The following SLCO3A1 variants were observed in gnomAD, a reference collection of about 807,000 sequenced individuals.
The protein encoded by SLCO3A1 is solute carrier organic anion transporter family member 3A1, also known as PGE1 transporter.
A neutral mutation model predicts 63.1 loss-of-function variants in SLCO3A1; 27 were observed. The ratio of observed to expected loss-of-function variants is 0.43; its 90% CI spans 0.32 to 0.59. SLCO3A1 has a LOEUF of 0.59. Among genes scored for constraint, SLCO3A1 ranks in the 20% least tolerant of loss-of-function variants. The pLI is 0.09. For missense variants in SLCO3A1, 773 were observed against 945.8 expected (o/e 0.82, Z 2.40); for synonymous variants, 473 against 409.9 (o/e 1.15, Z -1.86).
rs549124416 is a variant in SLCO3A1, at chr15:92,154,133, C to T, written c.1753+3119C>T. 3.3e-5 allele frequency among the ~76,000 whole-genome samples: 5 copies of T among 152,190 alleles called. No homozygotes were observed. The East Asian group carries it at 7.7e-4, about 24-fold the overall frequency. ...TGTAATGAAGTGAATGACAGAGGCT[C>T]GTGCCGAGATGGTGCTCGCAGGATG... On this transcript the variant is annotated intron_variant, in intron 9 of 9. Coordinates refer to ENST00000318445, the MANE Select transcript of SLCO3A1 (RefSeq NM_013272.4).
intron 4 of SLCO3A1, among the ~76,000 whole-genome samples, chr15:92,116,102 C>T (rs1234899053): frequency 6.6e-6 from 1 of 152,158 alleles, no homozygotes; most frequent in Non-Finnish European, 1.5e-5. Context: ...CATGGGACCT[C>T]TCTCTGCCTC....
At chr15:92,125,880 T>G (rs1162858473) in intron 5 of SLCO3A1, among the ~76,000 whole-genome samples, 181 bp from the exon 6 acceptor site, 1 of 151,744 alleles carries the variant, frequency 6.6e-6, no homozygotes, top group Admixed American at 6.6e-5. Flanking sequence ...CAGTTCTCCA[T>G]GAGCTCCCTG....
rs753784532 is a variant in SLCO3A1 at position 91,916,052 on chromosome 15, G to C, written c.240G>C (p.Val80=). The change falls in exon 2 of 10, where the codon GTG becomes GTC. Residue 80 remains valine (V), a synonymous_variant. Coordinates refer to ENST00000318445, the MANE Select transcript of SLCO3A1 (RefSeq NM_013272.4). This position sits in a 1 kb window ranked among gnomAD's most constrained non-coding sequence, Gnocchi z 6.2. ...RFNLQSADVG[V]IASSFEIGNL... is the part of the protein sequence containing the mutation. ...ACCTGCAGAGCGCTGACGTGGGTGT[G>C]ATCGCTAGCAGCTTCGAGATCGGGA... is the stretch of plus-strand genomic sequence containing the variant. The C allele has an allele frequency of 1.2e-6, 2 of 1,613,418 alleles. No homozygotes were observed. The highest frequency in any genetic ancestry group is 2.2e-5 in the South Asian group (2 of 91,062).
rs1900617265 is a variant in SLCO3A1 at position 91,965,308 on chromosome 15, T to A, written c.646+48850T>A. Among the ~76,000 whole-genome samples the A allele has an allele frequency of 3.3e-5, 5 of 152,242 alleles. No individual in the cohort carries two copies. The Middle Eastern group carries it at 0.01, about 311-fold the overall frequency. Reference sequence around the variant, plus strand: ...CAGGGATCCCCAAAGGAAACATTTATCCCCCTGGATGTTTGGATGTCCCGT... The same window carrying A: ...CAGGGATCCCCAAAGGAAACATTTAACCCCCTGGATGTTTGGATGTCCCGT... On this transcript the variant is annotated intron_variant, in intron 2 of 9. Transcript: ENST00000318445.
chr15:92,039,294 T>G (rs2046766828), intron 2 of SLCO3A1, among the ~76,000 whole-genome samples: 1 of 152,094 alleles, frequency 6.6e-6, no homozygotes. Flanking sequence ...ACAGGGAGAC[T>G]ATAGAATGGA....
At chr15:91,940,291 A>G (rs1001953937) in intron 2 of SLCO3A1, among the ~76,000 whole-genome samples, 3 of 152,102 alleles carry the variant, frequency 2.0e-5, no homozygotes, top group Admixed American at 6.5e-5. Flanking sequence ...ATACACGTGC[A>G]ATCCAATAGA....
intron 2 of SLCO3A1, among the ~76,000 whole-genome samples, chr15:92,007,074 A>G (rs368103480): frequency 1.3e-5 from 2 of 152,360 alleles, no homozygotes; most frequent in East Asian, 3.9e-4. Flanking sequence ...TTATAAACGA[A>G]CTAAGCAACA....
intron 2 of SLCO3A1, among the ~76,000 whole-genome samples, chr15:91,996,524 A>G (rs1210015438): frequency 6.6e-6 from 1 of 152,160 alleles, no homozygotes; most frequent in Non-Finnish European, 1.5e-5. Context: ...GGCAAAGTAG[A>G]TGACCAAGAA....
At position 91,863,933 on chromosome 15, in the gene SLCO3A1, C is replaced by T. The variant is rs908699949; in HGVS notation, c.180+9845C>T. 3.3e-5 allele frequency among the ~76,000 whole-genome samples: 5 copies of T among 152,204 alleles called. No individual in the cohort carries two copies. Among genetic ancestry groups the T allele is most frequent in the Non-Finnish European group, 7.3e-5 (5 of 68,038 alleles). ...TGGAAACAAAAACCATAAATTAGCA[C>T]CATTCCTTTACCTTTGCCAAGCTGT... On this transcript the variant is annotated intron_variant, in intron 1 of 9. Transcript: ENST00000318445. This position sits in a 1 kb window ranked among gnomAD's most constrained non-coding sequence, Gnocchi z 4.3.
chr15:92,150,588 TC>T lies in SLCO3A1; in HGVS notation c.1689-355del, dbSNP rs987074435. ...GGAATTATTTTCTCGGTTGATGTTT[TC>T]CCCCCCATACGTGTACCCCACCCAC... On this transcript the variant is annotated intron_variant, in intron 8 of 9. Transcript: ENST00000318445. Among the ~76,000 whole-genome samples, 7 of 151,940 alleles carry T rather than the reference TC, an allele frequency of 4.6e-5. No homozygotes were observed. The East Asian group carries it at 5.8e-4, about 13-fold the overall frequency.
At chr15:91,876,059 C>A (rs970603461) in intron 1 of SLCO3A1, among the ~76,000 whole-genome samples, 5 of 152,214 alleles carry the variant, frequency 3.3e-5, no homozygotes, top group Non-Finnish European at 2.9e-5. Flanking sequence ...AATCCCAGAA[C>A]CTTGGGAGGA....
intron 2 of SLCO3A1, among the ~76,000 whole-genome samples, chr15:91,959,176 A>G (rs1567038847): frequency 6.6e-6 from 1 of 152,138 alleles, no homozygotes; most frequent in East Asian, 1.9e-4. Context: ...GGAGTGGAAA[A>G]CCAAATACCA....
intron 2 of SLCO3A1, among the ~76,000 whole-genome samples, chr15:91,953,688 T>G (rs1740787256): frequency 6.6e-6 from 1 of 152,096 alleles, no homozygotes; most frequent in Non-Finnish European, 1.5e-5. Flanking sequence ...CACCTCTGTT[T>G]ACCTCTGCTT....
intron 7 of SLCO3A1, among the ~76,000 whole-genome samples, chr15:92,131,275 C>T (rs1041074250): frequency 6.6e-6 from 1 of 152,130 alleles, no homozygotes; most frequent in African/African-American, 2.4e-5. Flanking sequence ...CCTCTTCAAA[C>T]ATGCACTTCT....
intron 2 of SLCO3A1, among the ~76,000 whole-genome samples, chr15:92,055,700 C>G (rs184803140): frequency 6.6e-6 from 1 of 152,310 alleles, no homozygotes; most frequent in Admixed American, 6.5e-5. Context: ...CTCTTGAGCT[C>G]TCTGCACTCA....
chr15:92,123,766 A>T (rs2047890223), intron 5 of SLCO3A1, among the ~76,000 whole-genome samples: 1 of 152,124 alleles, frequency 6.6e-6, no homozygotes, highest in East Asian at 1.9e-4. Context: ...TTTTGATTCC[A>T]TTTGCACAGT....
rs1900722820 is a variant in SLCO3A1 at position 91,968,056 on chromosome 15, C to CT, written c.646+51599dup. Among the ~76,000 whole-genome samples, 1 of 152,132 alleles carries CT rather than the reference C, an allele frequency of 6.6e-6. No individual in the cohort carries two copies. Among genetic ancestry groups the CT allele is most frequent in the African/African-American group, 2.4e-5 (1 of 41,432 alleles). ...CAGATGCTTCCATCCTGAACATTTTCTAGAGTCCCCTGCCTAGTCGCCCTG... is the reference window on the plus strand; with the variant it reads ...CAGATGCTTCCATCCTGAACATTTTCTTAGAGTCCCCTGCCTAGTCGCCCTG... On this transcript the variant is annotated intron_variant, in intron 2 of 9. Transcript: ENST00000318445. The surrounding 1 kb of genome is among the most constrained non-coding windows in gnomAD (Gnocchi z 4.2).
rs750842701 is a variant in SLCO3A1 at position 92,062,712 on chromosome 15, C to T, written c.647-32169C>T. On this transcript the variant is annotated intron_variant, in intron 2 of 9. Coordinates refer to ENST00000318445, the MANE Select transcript of SLCO3A1 (RefSeq NM_013272.4). ...GGTCCAGAGGCAGTCTCTGACATGC[C>T]AGGTCACTCTCTCGGGCTCCGGCTC... is the stretch of plus-strand genomic sequence containing the variant. Among the ~76,000 whole-genome samples, 12 of 152,164 alleles carry T rather than the reference C, an allele frequency of 7.9e-5. 1 individual carries two copies. Among genetic ancestry groups the T allele is most frequent in the Non-Finnish European group, 1.8e-4 (12 of 68,032 alleles).
intron 2 of SLCO3A1, among the ~76,000 whole-genome samples, chr15:92,069,104 C>A (rs1434136684): frequency 2.1e-5 from 3 of 143,274 alleles, no homozygotes; most frequent in African/African-American, 5.2e-5. Context: ...CCGCCCCCCC[C>A]CCGCCACCCC....
Sources: gnomAD v4.1 joint callset for allele counts (sites outside exome capture counted in the v4.1 genomes callset) on GRCh38, gnomAD v4.1.1 for gene constraint, Gnocchi (gnomAD v3.1) non-coding constraint, MANE v1.5 for transcripts, NCBI Gene and HGNC (gene_info 2026-07-23, HGNC 2026-07-21) for gene names.